RAD51B: variants seen among roughly 807,000 people sequenced by gnomAD.
RAD51B encodes the protein RAD51 paralog B.
Under a neutral mutation model 42.2 loss-of-function variants are expected in RAD51B, and 38 were observed. The ratio of observed to expected loss-of-function variants is 0.90; its 90% CI spans 0.70 to 1.18. RAD51B has a LOEUF of 1.18. RAD51B is among the 50% of genes most tolerant of loss of function. The pLI is 0.00. For missense variants in RAD51B, 373 were observed against 400.7 expected (o/e 0.93, Z 0.59); for synonymous variants, 154 against 145.2 (o/e 1.06, Z -0.43).
intron 7 of RAD51B, among the ~76,000 whole-genome samples, chr14:68,098,134 C>T (rs1034799045): frequency 6.6e-6 from 1 of 152,238 alleles, no homozygotes; most frequent in African/African-American, 2.4e-5. Context: ...GGGGCTTTCT[C>T]TTAATCAACA....
chr14:68,203,088 T>G (rs2079522218), intron 7 of RAD51B, among the ~76,000 whole-genome samples: 1 of 152,184 alleles, frequency 6.6e-6, no homozygotes, highest in Non-Finnish European at 1.5e-5. Flanking sequence ...CCTCCTCCCA[T>G]GAATCATGAA....
chr14:68,055,524 T>C (rs144143551), intron 7 of RAD51B, among the ~76,000 whole-genome samples: 3 of 152,328 alleles, frequency 2.0e-5, no homozygotes, highest in African/African-American at 7.2e-5. Flanking sequence ...ATGCTAGATA[T>C]AGAAATCTTC....
intron 10 of RAD51B, chr14:68,541,325 C>G (rs1887954945): frequency 1.0e-6 from 1 of 985,372 alleles, no homozygotes; most frequent in Non-Finnish European, 1.2e-6. Context: ...CTGGCTCTAA[C>G]AGGCTAATAG....
chr14:68,408,046 C>T (rs2084324318), intron 8 of RAD51B, among the ~76,000 whole-genome samples: 1 of 152,002 alleles, frequency 6.6e-6, no homozygotes, highest in East Asian at 1.9e-4. Flanking sequence ...CAGAGGGTGG[C>T]TTTAGTAGGG....
At position 67,985,242 on chromosome 14, in the gene RAD51B, C is replaced by G. The variant is rs117086168; in HGVS notation, c.756+98038C>G. 6.2e-4 allele frequency among the ~76,000 whole-genome samples: 95 copies of G among 152,304 alleles called. 2 individuals carry two copies. In the East Asian group the frequency reaches 0.014, roughly 23 times the overall value. Reference sequence around the variant, plus strand: ...TTCTAATACATATATATACATATTACTATACTTTTGTTCTGGACCATTTGC... The same window carrying G: ...TTCTAATACATATATATACATATTAGTATACTTTTGTTCTGGACCATTTGC... On this transcript the variant is annotated intron_variant, in intron 7 of 10. Transcript: ENST00000471583.
intron 10 of RAD51B, among the ~76,000 whole-genome samples, chr14:68,591,698 G>A (rs1890748476): frequency 6.6e-6 from 1 of 152,106 alleles, no homozygotes; most frequent in Non-Finnish European, 1.5e-5. Context: ...CCCACAACCA[G>A]CTGCAACAAG....
At chr14:68,401,671 A>G (rs946325365) in intron 8 of RAD51B, among the ~76,000 whole-genome samples, 2 of 152,108 alleles carry the variant, frequency 1.3e-5, no homozygotes, top group Non-Finnish European at 2.9e-5. Flanking sequence ...CTGCTTTACT[A>G]AAGTGAAGCA....
At chr14:68,603,438 G>A (rs1407225987) in intron 10 of RAD51B, among the ~76,000 whole-genome samples, 3 of 152,114 alleles carry the variant, frequency 2.0e-5, no homozygotes, top group Admixed American at 6.5e-5. Flanking sequence ...ATACTTTTCT[G>A]TGTCTTCCAA....
rs139789624 is a variant in RAD51B, at chr14:68,168,706, A to G, written c.757-123178A>G. On this transcript the variant is annotated intron_variant, in intron 7 of 10. Coordinates refer to ENST00000471583, the MANE Select transcript of RAD51B (RefSeq NM_133510.4). Reference sequence around the variant, plus strand: ...TAATAGTTGGAGACAGTTTAAAAGCATAGTTCACTGGATAAGGTCACACCC... The same window carrying G: ...TAATAGTTGGAGACAGTTTAAAAGCGTAGTTCACTGGATAAGGTCACACCC... Among the ~76,000 whole-genome samples, 575 of 152,318 alleles carry G rather than the reference A, an allele frequency of 3.8e-3. 1 individual carries two copies. Among genetic ancestry groups the G allele is most frequent in the South Asian group, 8.9e-3 (43 of 4,818 alleles).
At chr14:68,345,458 A>C (rs2082658536) in intron 8 of RAD51B, among the ~76,000 whole-genome samples, 1 of 151,970 alleles carries the variant, frequency 6.6e-6, no homozygotes, top group African/African-American at 2.4e-5. Context: ...TTAACATGAA[A>C]TGTGGTTATT....
At chr14:68,624,311 C>A (rs1892021683) in intron 10 of RAD51B, among the ~76,000 whole-genome samples, 2 of 152,190 alleles carry the variant, frequency 1.3e-5, no homozygotes, top group South Asian at 4.1e-4. Flanking sequence ...CAGTCACCCC[C>A]TCTCAGAAAT....
chr14:68,085,991 T>C (rs2140501106), intron 7 of RAD51B, among the ~76,000 whole-genome samples: 1 of 152,364 alleles, frequency 6.6e-6, no homozygotes, highest in East Asian at 1.9e-4. Flanking sequence ...TTTTGCCGTC[T>C]GTAGGCGGCT....
intron 7 of RAD51B, among the ~76,000 whole-genome samples, chr14:68,252,336 G>T (rs905781529): frequency 3.3e-5 from 5 of 152,180 alleles, no homozygotes; most frequent in African/African-American, 1.2e-4. Context: ...GGAAGAGGGA[G>T]AAATAAGAGC....
At chr14:67,981,524 C>A (rs905522749) in intron 7 of RAD51B, among the ~76,000 whole-genome samples, 1 of 152,152 alleles carries the variant, frequency 6.6e-6, no homozygotes, top group Admixed American at 6.5e-5. Context: ...TCATAGCAGC[C>A]TTATTTATAA....
At chr14:68,325,093 G>A (rs916929161) in intron 8 of RAD51B, among the ~76,000 whole-genome samples, 1 of 152,182 alleles carries the variant, frequency 6.6e-6, no homozygotes, top group African/African-American at 2.4e-5. Context: ...GACAACCTGG[G>A]TCTAATGCTG....
At chr14:68,189,086 G>A (rs866128606) in intron 7 of RAD51B, among the ~76,000 whole-genome samples, 30 of 151,792 alleles carry the variant, frequency 2.0e-4, no homozygotes, top group Middle Eastern at 3.4e-3. Context: ...ATTTTTTATT[G>A]TGTAATTTAT....
rs116998460 is a variant in RAD51B at position 68,567,775 on chromosome 14, C to T, written c.1037-26710C>T. Among the ~76,000 whole-genome samples the T allele has an allele frequency of 5.8e-4, 89 of 152,346 alleles. 2 individuals carry two copies. In the East Asian group the frequency reaches 0.016, roughly 28 times the overall value. Reference sequence around the variant, plus strand: ...CTCTTCCCAGGATCCTTGCTGTACCCACAAGAAGAACACCCTTGGCTGTGC... The same window carrying T: ...CTCTTCCCAGGATCCTTGCTGTACCTACAAGAAGAACACCCTTGGCTGTGC... On this transcript the variant is annotated intron_variant, in intron 10 of 10. Transcript: ENST00000487270.
At chr14:68,315,032 C>A (rs576673318) in intron 8 of RAD51B, among the ~76,000 whole-genome samples, 6 of 152,190 alleles carry the variant, frequency 3.9e-5, no homozygotes, top group Non-Finnish European at 8.8e-5. Context: ...AAGTTTCTTT[C>A]CAAGAACCAC....
At chr14:68,320,235 A>T (rs1435396001) in intron 8 of RAD51B, among the ~76,000 whole-genome samples, 1 of 152,218 alleles carries the variant, frequency 6.6e-6, no homozygotes, top group Admixed American at 6.5e-5. Flanking sequence ...CGTGTGTATC[A>T]CACTGCAATG....
Sources: gnomAD v4.1 joint callset for allele counts (sites outside exome capture counted in the v4.1 genomes callset) on GRCh38, gnomAD v4.1.1 for gene constraint, MANE v1.5 for transcripts, NCBI Gene and HGNC (gene_info 2026-07-23, HGNC 2026-07-21) for gene names.